ZFP1: variants seen among roughly 807,000 people sequenced by gnomAD.
ZFP1 encodes zinc finger protein 1 homolog.
In ZFP1, 32 loss-of-function variants were observed where a neutral mutation model predicts 38.5. The observed-to-expected ratio is 0.83, with a 90% CI of 0.63 to 1.12. ZFP1 has a LOEUF of 1.12. Among genes scored for constraint, ZFP1 ranks in the 50% most tolerant of loss-of-function variants. The pLI is 0.00. For missense variants in ZFP1, 616 were observed against 480.8 expected (o/e 1.28, Z -2.63); for synonymous variants, 245 against 168.8 (o/e 1.45, Z -3.50).
At position 75,172,110 on chromosome 16, in the gene ZFP1, C is replaced by T. The variant is rs1360626374; in HGVS notation, c.*1776C>T. 6.6e-6 allele frequency: 1 copy of T among 152,102 alleles called. No individual in the cohort carries two copies. Among genetic ancestry groups the T allele is most frequent in the Non-Finnish European group, 1.5e-5 (1 of 68,026 alleles). 9.4% of individuals were successfully genotyped at this position (152,102 alleles called of 1,614,324 possible). On this transcript the variant is annotated 3_prime_UTR_variant, in exon 4 of 4. Transcript: ENST00000570010. ...AACATACCATGGCTGAATGGTATTT[C>T]CTTGAAAAGAATGTGTGGGAACAAA...
At chr16:75,150,021 G>A (rs1294776640) in intron 1 of ZFP1, among the ~76,000 whole-genome samples, 3 of 151,666 alleles carry the variant, frequency 2.0e-5, no homozygotes, top group Non-Finnish European at 2.9e-5. Context: ...TTGACCTCAA[G>A]TGATTCTCCC....
At chr16:75,162,036 C>T (rs949762355) in intron 2 of ZFP1, among the ~76,000 whole-genome samples, 16 of 151,246 alleles carry the variant, frequency 1.1e-4, no homozygotes, top group African/African-American at 3.9e-4. Flanking sequence ...CCGCCTACCT[C>T]GGCCTCCCAA....
intron 1 of ZFP1, among the ~76,000 whole-genome samples, chr16:75,150,034 C>G (rs1206613251): frequency 6.6e-6 from 1 of 152,064 alleles, no homozygotes; most frequent in Admixed American, 6.6e-5. Context: ...ATTCTCCCGC[C>G]TTGGCTTCCC....
At chr16:75,162,015 C>T (rs2145552313) in intron 2 of ZFP1, among the ~76,000 whole-genome samples, 1 of 151,226 alleles carries the variant, frequency 6.6e-6, no homozygotes, top group African/African-American at 2.4e-5. Context: ...GAACTCCTGA[C>T]CTCATGTGAT....
upstream of ZFP1, among the ~76,000 whole-genome samples, chr16:75,145,746 C>A (rs984745761): frequency 2.0e-5 from 3 of 152,172 alleles, no homozygotes; most frequent in Admixed American, 2.0e-4. Flanking sequence ...CTTTCCAGCT[C>A]CCCATCCTGC....
intron 2 of ZFP1, among the ~76,000 whole-genome samples, chr16:75,154,034 C>G (rs958324501): frequency 2.0e-5 from 3 of 152,068 alleles, no homozygotes; most frequent in African/African-American, 7.2e-5. Flanking sequence ...CTGGCCAACA[C>G]GGTGAAACCC....
At chr16:75,154,092 C>T (rs555979048) in intron 2 of ZFP1, among the ~76,000 whole-genome samples, 32 of 152,222 alleles carry the variant, frequency 2.1e-4, no homozygotes, top group Non-Finnish European at 2.9e-4. Context: ...GGCGTGGTGG[C>T]GGGCGCCTGT....
intron 2 of ZFP1, among the ~76,000 whole-genome samples, chr16:75,155,880 C>G (rs868679151): frequency 3.9e-5 from 6 of 152,212 alleles, no homozygotes; most frequent in South Asian, 2.1e-4. Flanking sequence ...CAAACTATAA[C>G]TGGAATTAAT....
the ZFP1 span, among the ~76,000 whole-genome samples, chr16:75,124,394 A>G: frequency 0.39 from 58,379 of 149,952 alleles, 12,498 homozygotes; most frequent in Middle Eastern, 0.53. Context: ...TCCTGACCTC[A>G]GGTGATCTGC....
chr16:75,131,900 G>T, the ZFP1 span, among the ~76,000 whole-genome samples: 1 of 151,926 alleles, frequency 6.6e-6, no homozygotes, highest in East Asian at 1.9e-4. Flanking sequence ...AGGAGGTGGA[G>T]GTTACAGTGA....
chr16:75,147,214 C>T (rs567486516), upstream of ZFP1, among the ~76,000 whole-genome samples: 17 of 152,102 alleles, frequency 1.1e-4, no homozygotes, highest in African/African-American at 3.9e-4. Context: ...AGGCATTTGT[C>T]AAGACCCATA....
At chr16:75,122,299 A>AG in the ZFP1 span, among the ~76,000 whole-genome samples, 4 of 152,338 alleles carry the variant, frequency 2.6e-5, no homozygotes, top group East Asian at 7.7e-4. Flanking sequence ...AAAGAGCAGG[A>AG]GTACCAGCCG....
chr16:75,156,894 C>G (rs558287782), intron 2 of ZFP1, among the ~76,000 whole-genome samples: 10 of 152,210 alleles, frequency 6.6e-5, no homozygotes, highest in Non-Finnish European at 1.3e-4. Context: ...AGTTAAGAAT[C>G]TGGGCCAGGC....
the ZFP1 span, among the ~76,000 whole-genome samples, chr16:75,122,563 A>G: frequency 6.6e-6 from 1 of 152,234 alleles, no homozygotes; most frequent in Non-Finnish European, 1.5e-5. Flanking sequence ...TGACATACTG[A>G]TTCTTTGAAG....
intron 2 of ZFP1, among the ~76,000 whole-genome samples, chr16:75,158,554 A>G (rs548816075): frequency 6.6e-6 from 1 of 151,014 alleles, no homozygotes; most frequent in South Asian, 2.1e-4. Context: ...TTGCCTCCCA[A>G]AGGGCTGGGA....
chr16:75,166,001 T>C (rs2038058186), intron 2 of ZFP1, among the ~76,000 whole-genome samples: 1 of 152,168 alleles, frequency 6.6e-6, no homozygotes. Flanking sequence ...ACCATGTATT[T>C]TTTAAAAAAA....
chr16:75,169,259 G>GGAAGGCTGATGACCAGATGGAGAGA lies in ZFP1; in HGVS notation c.152_176dup (p.Asp59GlufsTer3). The GGAAGGCTGATGACCAGATGGAGAGA allele has an allele frequency of 6.2e-7, 1 of 1,606,828 alleles. No individual in the cohort carries two copies. The highest frequency in any genetic ancestry group is 8.5e-7 in the Non-Finnish European group (1 of 1,177,862). ...TTGTGCTCTCTATTCCTAGAAGTGT[G>GGAAGGCTGATGACCAGATGGAGAGA]GAAGGCTGATGACCAGATGGAGAGA... On this transcript the variant is annotated frameshift_variant, in exon 4 of 4. Coordinates refer to ENST00000570010, the MANE Select transcript of ZFP1 (RefSeq NM_153688.4). LOFTEE classifies it high-confidence loss of function.
At chr16:75,150,746 C>G (rs2037156651) in intron 1 of ZFP1, among the ~76,000 whole-genome samples, 1 of 151,900 alleles carries the variant, frequency 6.6e-6, no homozygotes. Flanking sequence ...GTTTTAAGGT[C>G]GAGGATATGA....
chr16:75,141,499 C>G, the ZFP1 span, among the ~76,000 whole-genome samples: 2 of 151,716 alleles, frequency 1.3e-5, no homozygotes, highest in Non-Finnish European at 2.9e-5. Context: ...GCCACCGCGC[C>G]CAGCCCAAAT....
Sources: gnomAD v4.1 joint callset for allele counts (sites outside exome capture counted in the v4.1 genomes callset) on GRCh38, gnomAD v4.1.1 for gene constraint, MANE v1.5 for transcripts, NCBI Gene and HGNC (gene_info 2026-07-23, HGNC 2026-07-21) for gene names.